The following JAKMIP1 variants were observed in gnomAD, a reference collection of about 807,000 sequenced individuals.
The protein encoded by JAKMIP1 is janus kinase and microtubule interacting protein 1, also known as janus kinase and microtubule-interacting protein 1.
JAKMIP1 carries 33 observed loss-of-function variants against 113.0 expected under a neutral mutation model. The observed-to-expected ratio is 0.29, with a 90% CI of 0.22 to 0.39. The LOEUF is 0.39. JAKMIP1 is among the 10% of genes least tolerant of loss of function. The pLI, the probability that JAKMIP1 is intolerant of heterozygous loss-of-function variation, is 1.00. For missense variants in JAKMIP1, 813 were observed against 1,080.5 expected, an observed-to-expected ratio of 0.75 and a Z score of 3.47; for synonymous variants, 480 against 459.9, an observed-to-expected ratio of 1.04 and a Z score of -0.56.
chr4:6,165,599 C>A (rs1183996899), intron 1 of JAKMIP1, among the ~76,000 whole-genome samples: 1 of 152,198 alleles, frequency 6.6e-6, no homozygotes, highest in African/African-American at 2.4e-5. Context: ...TCGCGCCCAG[C>A]CCTAAAGTAT....
At chr4:6,160,967 TCC>T (rs1371434930) in intron 1 of JAKMIP1, among the ~76,000 whole-genome samples, 1 of 133,862 alleles carries the variant, frequency 7.5e-6, no homozygotes, top group Non-Finnish European at 1.6e-5. Context: ...TCCACTCACC[TCC>T]CTGACCTCCA....
chr4:6,040,340 G>A lies in JAKMIP1; in HGVS notation c.2175+299C>T, dbSNP rs1004139524. Among the ~76,000 whole-genome samples, 1 of 152,096 alleles carries A rather than the reference G, an allele frequency of 6.6e-6. No homozygotes were observed. Among genetic ancestry groups the A allele is most frequent in the Non-Finnish European group, 1.5e-5 (1 of 68,022 alleles). Reference sequence around the variant, plus strand: ...TGGGACTTTAAGTCTAAATATTTAAGTAAAATCAAACATAAAAGAAATATA... The same window carrying A: ...TGGGACTTTAAGTCTAAATATTTAAATAAAATCAAACATAAAAGAAATATA... On this transcript the variant is annotated intron_variant, in intron 18 of 20. Coordinates refer to ENST00000409021, the MANE Select transcript of JAKMIP1 (RefSeq NM_001099433.2). This position sits in a 1 kb window ranked among gnomAD's most constrained non-coding sequence, Gnocchi z 5.8.
intron 3 of JAKMIP1, among the ~76,000 whole-genome samples, chr4:6,087,643 G>A (rs776591461): frequency 1.3e-5 from 2 of 152,186 alleles, no homozygotes; most frequent in Non-Finnish European, 2.9e-5. Context: ...TCCATCACTT[G>A]CAACCAAAAT....
intron 5 of JAKMIP1, among the ~76,000 whole-genome samples, chr4:6,083,271 C>G (rs926902465): frequency 6.6e-6 from 1 of 151,758 alleles, no homozygotes; most frequent in African/African-American, 2.4e-5. Flanking sequence ...GGTGTGTTGG[C>G]GGGTGCCTGT....
intron 3 of JAKMIP1, among the ~76,000 whole-genome samples, chr4:6,087,980 C>T (rs1721534612): frequency 6.6e-6 from 1 of 152,186 alleles, no homozygotes; most frequent in Non-Finnish European, 1.5e-5. Context: ...GTCCCTTCCA[C>T]AGGAGGAATC....
chr4:6,027,845 G>T (rs1236527763), intron 20 of JAKMIP1, among the ~76,000 whole-genome samples: 1 of 152,210 alleles, frequency 6.6e-6, no homozygotes, highest in African/African-American at 2.4e-5. Context: ...AATCAGCAAG[G>T]ATGACCTTGG....
At chr4:6,058,897 C>G (rs1242492352) in intron 11 of JAKMIP1, among the ~76,000 whole-genome samples, 4 of 152,232 alleles carry the variant, frequency 2.6e-5, no homozygotes, top group African/African-American at 9.6e-5. Flanking sequence ...CTGAGGCTAG[C>G]AGCCTCAAAA....
chr4:6,068,558 C>CTT (rs35726105), intron 8 of JAKMIP1, among the ~76,000 whole-genome samples: 17,571 of 136,274 alleles, frequency 0.13, 2,770 homozygotes, highest in African/African-American at 0.37. Flanking sequence ...AATTTTTTAA[C>CTT]TTTTTTTTTT....
rs565775758 is a variant in JAKMIP1 at position 6,050,470 on chromosome 4, T to C, written c.1908+108A>G. 2 of 716,604 alleles carry C rather than the reference T, an allele frequency of 2.8e-6. No individual in the cohort carries two copies. Among genetic ancestry groups the C allele is most frequent in the South Asian group, 1.8e-5 (1 of 56,504 alleles). The allele number at this position is 716,604 out of a possible 1,614,324, so 44.4% of individuals were successfully genotyped here. A position where few individuals can be genotyped will look rare whatever the true frequency, so the allele number is the denominator to read the frequency against. On this transcript the variant is annotated intron_variant, in intron 14 of 20. Transcript: ENST00000409021. This position sits in a 1 kb window ranked among gnomAD's most constrained non-coding sequence, Gnocchi z 7.4. ...AAACTGTGACTTTCAACACAAGGGGTATCTCATGAAAATCAATTCTATCCC... is the reference window on the plus strand; with the variant it reads ...AAACTGTGACTTTCAACACAAGGGGCATCTCATGAAAATCAATTCTATCCC...
At position 6,102,722 on chromosome 4, in the gene JAKMIP1, C is replaced by CT. The variant is rs1191358910; in HGVS notation, c.624+2750dup. On this transcript the variant is annotated intron_variant, in intron 3 of 20. Transcript: ENST00000409021. ...TCCCTTTTTTCTCCCTCTCTAAAGA[C>CT]TTTTTTTTTTTTTTTTTTTTTTTTT... 9.7e-3 allele frequency among the ~76,000 whole-genome samples: 492 copies of CT among 50,790 alleles called. 133 individuals are homozygous for CT. Among genetic ancestry groups the CT allele is most frequent in the African/African-American group, 0.037 (429 of 11,648 alleles). The allele number at this position is 50,790 out of a possible 152,430, so 33.3% of individuals were successfully genotyped here. A position where few individuals can be genotyped will look rare whatever the true frequency, so the allele number is the denominator to read the frequency against.
At chr4:6,124,920 T>C (rs1000034717) in intron 1 of JAKMIP1, among the ~76,000 whole-genome samples, 2 of 152,204 alleles carry the variant, frequency 1.3e-5, no homozygotes, top group Non-Finnish European at 2.9e-5. Flanking sequence ...TCCAGGACTA[T>C]GAGGCCAGCT....
intron 8 of JAKMIP1, among the ~76,000 whole-genome samples, chr4:6,077,689 GCC>G (rs1719884038): frequency 6.6e-6 from 1 of 151,500 alleles, no homozygotes; most frequent in South Asian, 2.1e-4. Context: ...TTGCTATGTT[GCC>G]CAGGCTGATC....
intron 1 of JAKMIP1, among the ~76,000 whole-genome samples, chr4:6,160,746 C>T (rs1239966990): frequency 2.0e-5 from 3 of 152,152 alleles, no homozygotes; most frequent in Non-Finnish European, 4.4e-5. Flanking sequence ...CTCCACCCGT[C>T]GTCTGAAGTC....
intron 3 of JAKMIP1, among the ~76,000 whole-genome samples, chr4:6,091,977 C>G (rs550953204): frequency 6.6e-6 from 1 of 152,238 alleles, no homozygotes; most frequent in Non-Finnish European, 1.5e-5. Context: ...GGGACACTCA[C>G]TACCTCTCCA....
At chr4:6,191,652 C>T (rs73795775) in intron 1 of JAKMIP1, among the ~76,000 whole-genome samples, 1 of 152,188 alleles carries the variant, frequency 6.6e-6, no homozygotes, top group African/African-American at 2.4e-5. Flanking sequence ...GCCCCATAGA[C>T]CTGAGCCTGG....
At chr4:6,068,558 C>CA (rs1718499102) in intron 8 of JAKMIP1, among the ~76,000 whole-genome samples, 1 of 136,312 alleles carries the variant, frequency 7.3e-6, no homozygotes, top group South Asian at 2.3e-4. Context: ...AATTTTTTAA[C>CA]TTTTTTTTTT....
rs991895204 is a variant in JAKMIP1 at position 6,185,627 on chromosome 4, G to A, written c.-148+14626C>T. The stretch of plus-strand genomic sequence containing the variant: ...CACGCCACTGCACTCCAGCCTGAGC[G>A]ACAGAGGAAGACTCCGTCTCAAAAA... On this transcript the variant is annotated intron_variant, in intron 1 of 20. Coordinates refer to ENST00000409021, the MANE Select transcript of JAKMIP1 (RefSeq NM_001099433.2). This position sits in a 1 kb window ranked among gnomAD's most constrained non-coding sequence, Gnocchi z 5.3. Among the ~76,000 whole-genome samples the A allele has an allele frequency of 6.6e-6, 1 of 152,158 alleles. No individual in the cohort carries two copies. The highest frequency in any genetic ancestry group is 6.5e-5 in the Admixed American group (1 of 15,278).
At chr4:6,056,045 G>C (rs962271574) in intron 12 of JAKMIP1, among the ~76,000 whole-genome samples, 1 of 148,824 alleles carries the variant, frequency 6.7e-6, no homozygotes, top group Non-Finnish European at 1.5e-5. Context: ...CATTTCTGCA[G>C]GGTGTCCCCA....
chr4:6,071,041 C>A (rs1037159503), intron 8 of JAKMIP1, among the ~76,000 whole-genome samples: 4 of 152,194 alleles, frequency 2.6e-5, no homozygotes, highest in African/African-American at 9.7e-5. Flanking sequence ...TATTAAAGGG[C>A]AATGGATAAT....
Sources: gnomAD v4.1 joint callset for allele counts (sites outside exome capture counted in the v4.1 genomes callset) on GRCh38, gnomAD v4.1.1 for gene constraint, Gnocchi (gnomAD v3.1) non-coding constraint, MANE v1.5 for transcripts, NCBI Gene and HGNC (gene_info 2026-07-23, HGNC 2026-07-21) for gene names.